Variants in BPHL observed in about 807,000 individuals in gnomAD.
BPHL encodes serine hydrolase BPHL.
Under a neutral mutation model 31.2 loss-of-function variants are expected in BPHL, and 27 were observed. The ratio of observed to expected loss-of-function variants is 0.87; its 90% confidence interval spans 0.64 to 1.19. The LOEUF (loss-of-function observed/expected upper bound fraction) is 1.19, where lower values mean the gene tolerates loss of function less well. Among genes scored for constraint, BPHL ranks in the 50% most tolerant of loss-of-function variants. The pLI is 0.00. For synonymous variants in BPHL, 150 were observed against 146.8 expected (o/e 1.02, Z -0.16); for missense variants, 356 against 375.7 (o/e 0.95, Z 0.43).
At chr6:3,147,273 A>G (rs1762411573) in intron 6 of BPHL, among the ~76,000 whole-genome samples, 1 of 152,116 alleles carries the variant, frequency 6.6e-6, no homozygotes, top group South Asian at 2.1e-4. Flanking sequence ...AAATAAATAA[A>G]TAAATAAAAA....
chr6:3,143,044 C>T (rs1405958559), intron 6 of BPHL, among the ~76,000 whole-genome samples: 1 of 152,056 alleles, frequency 6.6e-6, no homozygotes, highest in Non-Finnish European at 1.5e-5. Context: ...CATGGTGAAA[C>T]CTCGTCTCTA....
chr6:3,118,577 A>C, upstream of BPHL: 1 of 476,792 alleles, frequency 2.1e-6, no homozygotes, highest in Non-Finnish European at 3.3e-6. Flanking sequence ...CCCATGGGAA[A>C]GCACCCGGCA....
rs2231365 is a variant in BPHL at position 3,127,410 on chromosome 6, T to C, written c.378+2T>C. On this transcript the variant is annotated splice_donor_variant, in intron 3 of 6. Coordinates refer to ENST00000380379, the MANE Select transcript of BPHL (RefSeq NM_004332.4). LOFTEE classifies it high-confidence loss of function. ...AAAGATGCTGTTGATTTGATGAAGG[T>C]AGGTCTCTGAGGGAAGGGCCAGGGG... The C allele has an allele frequency of 7.3e-3, 11,697 of 1,598,566 alleles. 757 individuals carry two copies. In the African/African-American group the frequency reaches 0.14, roughly 19 times the overall value.
intron 4 of BPHL, among the ~76,000 whole-genome samples, chr6:3,132,730 G>A (rs937616310): frequency 2.6e-5 from 4 of 152,150 alleles, no homozygotes; most frequent in African/African-American, 9.7e-5. Context: ...CATTTGGGAG[G>A]CTGAGGTGGA....
chr6:3,120,103 C>T (rs1761522392), intron 1 of BPHL, among the ~76,000 whole-genome samples: 1 of 151,872 alleles, frequency 6.6e-6, no homozygotes, highest in Non-Finnish European at 1.5e-5. Context: ...GTTGTGATCT[C>T]GCTCACTGCA....
At chr6:3,143,047 C>T (rs953118764) in intron 6 of BPHL, among the ~76,000 whole-genome samples, 2 of 152,020 alleles carry the variant, frequency 1.3e-5, no homozygotes, top group African/African-American at 2.4e-5. Context: ...GGTGAAACCT[C>T]GTCTCTACTA....
At chr6:3,123,547 C>A in intron 1 of BPHL, 110 bp from the exon 2 acceptor site, 2 of 795,564 alleles carry the variant, frequency 2.5e-6, no homozygotes, top group Non-Finnish European at 4.1e-6. Context: ...CATCCTACAG[C>A]GCGTAGAACA....
At chr6:3,122,704 G>T (rs967104940) in intron 1 of BPHL, among the ~76,000 whole-genome samples, 1 of 152,196 alleles carries the variant, frequency 6.6e-6, no homozygotes, top group African/African-American at 2.4e-5. Flanking sequence ...GAGGGCTCTT[G>T]AGATGGAGGC....
chr6:3,144,408 A>C (rs1762270583), intron 6 of BPHL, among the ~76,000 whole-genome samples: 1 of 112,424 alleles, frequency 8.9e-6, no homozygotes. Flanking sequence ...TTTTTAAGAG[A>C]CAGGGCTTGC....
Position 3,146,219 on chromosome 6 carries a change from T to C in BPHL, c.788+5710T>C, listed in dbSNP as rs1481815671. On this transcript the variant is annotated intron_variant, in intron 6 of 6. Coordinates refer to ENST00000380379, the MANE Select transcript of BPHL (RefSeq NM_004332.4). ...TTCGGGGTGGAGTGCTGGTGTGGGT[T>C]GGAGTGCTGGTTCTGGTTGGAGTGC... Among the ~76,000 whole-genome samples, 29 of 45,482 alleles carry C rather than the reference T, an allele frequency of 6.4e-4. 3 individuals carry two copies. The highest frequency in any genetic ancestry group is 2.0e-3 in the African/African-American group (23 of 11,560). The allele number at this position is 45,482 out of a possible 152,430, so 29.8% of individuals were successfully genotyped here.
intron 6 of BPHL, among the ~76,000 whole-genome samples, chr6:3,147,177 C>A (rs538362771): frequency 7.8e-4 from 118 of 152,170 alleles, no homozygotes; most frequent in South Asian, 1.7e-3. Flanking sequence ...AGGAGAATCA[C>A]CAGAGCCTAG....
chr6:3,127,768 TGATAGGC>T (rs1761756954), intron 3 of BPHL, among the ~76,000 whole-genome samples: 1 of 152,240 alleles, frequency 6.6e-6, no homozygotes, highest in Non-Finnish European at 1.5e-5. Context: ...ACTAGTTGTA[TGATAGGC>T]ACATATTATT....
rs1761638916 is a variant in BPHL, at chr6:3,123,742, C to T, written c.193C>T (p.Leu65=). ...TGGAGAGGGAGATCACGCAGTCCTG[C>T]TACTTCCTGGGATGTTAGGTCTGGG... ...QTGEGDHAVL[L]LPGMLGSGET... is the part of the protein sequence containing the mutation. Residue 65 remains leucine, a synonymous_variant, in exon 2 of 7, where the codon CTA becomes TTA. Coordinates refer to ENST00000380379, the MANE Select transcript of BPHL (RefSeq NM_004332.4). 6.2e-7 allele frequency: 1 copy of T among 1,612,968 alleles called. No homozygotes were observed. Among genetic ancestry groups the T allele is most frequent in the Non-Finnish European group, 8.5e-7 (1 of 1,179,390 alleles).
intron 1 of BPHL, 113 bp downstream of exon 1, chr6:3,118,960 C>A: frequency 1.1e-6 from 1 of 900,658 alleles, no homozygotes; most frequent in Non-Finnish European, 1.5e-6. Flanking sequence ...GGGGCGTGGG[C>A]GCGGCCTGGC....
chr6:3,118,703 G>A, upstream of BPHL: 2 of 1,247,730 alleles, frequency 1.6e-6, no homozygotes, highest in Non-Finnish European at 2.0e-6. Context: ...CTTGGTCTTA[G>A]CGCATGCGCA....
At chr6:3,127,492 T>G in intron 3 of BPHL, 84 bp downstream of exon 3, 2 of 1,238,888 alleles carry the variant, frequency 1.6e-6, no homozygotes, top group Non-Finnish European at 2.2e-6. Flanking sequence ...TTGTTATATT[T>G]TTCTACAAAA....
intron 2 of BPHL, 161 bp downstream of exon 2, chr6:3,123,921 T>C (rs1225331437): frequency 3.5e-6 from 2 of 566,860 alleles, no homozygotes; most frequent in Admixed American, 7.6e-5. Flanking sequence ...TAGGTAACTT[T>C]CTACTGCTGT....
chr6:3,152,852 C>G lies in BPHL; in HGVS notation c.*277C>G, dbSNP rs1762563014. The G allele has an allele frequency of 7.7e-6, 2 of 258,790 alleles. No homozygotes were observed. The allele number at this position is 258,790 out of a possible 1,614,324, so 16.0% of individuals were successfully genotyped here. ...GACCAGCTTGTGCAATATAGGGAGA[C>G]TCCGGCTCTACAAAAAAGAGTTTTT... On this transcript the variant is annotated 3_prime_UTR_variant, in exon 7 of 7. Transcript: ENST00000380379.
chr6:3,138,065 C>T, intron 5 of BPHL: 2 of 1,124,302 alleles, frequency 1.8e-6, no homozygotes, highest in South Asian at 1.3e-5. Context: ...TGTCACCAGG[C>T]TGGAATGCAA....
Sources: gnomAD v4.1 joint callset for allele counts (sites outside exome capture counted in the v4.1 genomes callset) on GRCh38, gnomAD v4.1.1 for gene constraint, MANE v1.5 for transcripts, NCBI Gene and HGNC (gene_info 2026-07-23, HGNC 2026-07-21) for gene names.